CYB561A3: variants seen among roughly 807,000 people sequenced by gnomAD.
The protein encoded by CYB561A3 is lysosomal membrane ascorbate-dependent ferrireductase CYB561A3.
In CYB561A3, 16 loss-of-function variants were observed where a neutral mutation model predicts 25.3. The observed-to-expected ratio is 0.63, with a 90% CI of 0.43 to 0.96. The LOEUF (loss-of-function observed/expected upper bound fraction) is 0.96. CYB561A3 is among the 40% of genes least tolerant of loss of function. CYB561A3 has a pLI of 0.00. For missense variants in CYB561A3, 219 were observed against 307.5 expected (o/e 0.71, Z 2.15); for synonymous variants, 131 against 129.9 (o/e 1.01, Z -0.06).
At chr11:61,353,249 T>C in intron 4 of CYB561A3, 110 bp from the exon 5 acceptor site, 1 of 1,375,766 alleles carries the variant, frequency 7.3e-7, no homozygotes, top group Non-Finnish European at 9.7e-7. Context: ...CTTTCACAAC[T>C]CAAACCTTCC....
At position 61,357,131 on chromosome 11, in the gene CYB561A3, C is replaced by T. The variant is rs368149383; in HGVS notation, c.-15-403G>A. On this transcript the variant is annotated intron_variant, in intron 2 of 6. Coordinates refer to ENST00000294072, the MANE Select transcript of CYB561A3 (RefSeq NM_153611.6). ...CAAAATCCAGGCTAAATTACGCAAA[C>T]ACCCAGGCCTTGGGTTCTAAGATAA... 9.3e-5 allele frequency: 141 copies of T among 1,519,562 alleles called. No individual in the cohort carries two copies. The East Asian group carries it at 1.3e-3, about 13-fold the overall frequency. 94.1% of individuals were successfully genotyped at this position (1,519,562 alleles called of 1,614,324 possible).
upstream of CYB561A3, chr11:61,361,888 GGCGGGTGCCGCCTC>G (rs1857905312): frequency 6.6e-6 from 1 of 152,300 alleles, no homozygotes; most frequent in South Asian, 2.1e-4. Flanking sequence ...AGAGCAGAGC[GGCGGGTGCCGCCTC>G]GCCTTCTTAT....
intron 3 of CYB561A3, chr11:61,356,005 T>C (rs961473205): frequency 3.4e-5 from 5 of 145,334 alleles, no homozygotes; most frequent in African/African-American, 1.3e-4. Context: ...GGCAGGAGAA[T>C]GGCGCAAACC....
At chr11:61,356,458 C>G in intron 3 of CYB561A3, 72 bp downstream of exon 3, 1 of 1,520,472 alleles carries the variant, frequency 6.6e-7, no homozygotes, top group Non-Finnish European at 8.9e-7. Context: ...CAAAGGCCAG[C>G]CTTGGAGAGG....
Position 61,353,779 on chromosome 11 carries a change from C to T in CYB561A3, c.393+5G>A. 2 of 1,614,078 alleles carry T rather than the reference C, an allele frequency of 1.2e-6. No individual in the cohort carries two copies. The highest frequency in any genetic ancestry group is 1.7e-6 in the Non-Finnish European group (2 of 1,180,034). On this transcript the variant is annotated splice_donor_5th_base_variant and intron_variant, in intron 4 of 6. Coordinates refer to ENST00000294072, the MANE Select transcript of CYB561A3 (RefSeq NM_153611.6). ...ACCTCGAGGAGGAGAACAGAGAGAA[C>T]CCACCTGGCAGGCGAAGAGGAAGAC...
intron 6 of CYB561A3, 113 bp downstream of exon 6, chr11:61,350,877 GT>G: frequency 7.0e-7 from 1 of 1,436,432 alleles, no homozygotes; most frequent in Non-Finnish European, 9.2e-7. Flanking sequence ...AAGTTACTTG[GT>G]TTCCTGCTGT....
chr11:61,352,079 T>G (rs548918390), intron 5 of CYB561A3: 2 of 152,284 alleles, frequency 1.3e-5, no homozygotes, highest in Admixed American at 1.3e-4. Flanking sequence ...AGCAATGAAA[T>G]TAACTTGCCC....
At chr11:61,350,694 A>G (rs1565065169) in intron 6 of CYB561A3, 2 of 591,756 alleles carry the variant, frequency 3.4e-6, no homozygotes, top group Non-Finnish European at 5.9e-6. Context: ...CCCTTGTCAC[A>G]GTCAAGCCCT....
rs746387728 is a variant in CYB561A3, at chr11:61,350,284, A to G, written c.*115T>C. The G allele has an allele frequency of 5.1e-6, 7 of 1,369,518 alleles. No individual in the cohort carries two copies. Among genetic ancestry groups the G allele is most frequent in the Non-Finnish European group, 7.0e-6 (7 of 998,654 alleles). The allele number at this position is 1,369,518 out of a possible 1,614,324, so 84.8% of individuals were successfully genotyped here. On this transcript the variant is annotated 3_prime_UTR_variant, in exon 7 of 7. Coordinates refer to ENST00000294072, the MANE Select transcript of CYB561A3 (RefSeq NM_153611.6). ...GCACCCAGGCAAGAAGTCTGGGCCC[A>G]GCATTGGAAGAAAGTCGCCTGCTGA...
chr11:61,352,967 G>A lies in CYB561A3; in HGVS notation c.548+18C>T, dbSNP rs1751647333. 5 of 1,613,928 alleles carry A rather than the reference G, an allele frequency of 3.1e-6. No homozygotes were observed. The highest frequency in any genetic ancestry group is 1.3e-5 in the African/African-American group (1 of 74,860). ...TCCCTCCTCTTCACCTTAGAGTTGG[G>A]GACCCCACTGCACTCACAAACTGAA... On this transcript the variant is annotated intron_variant, in intron 5 of 6. Coordinates refer to ENST00000294072, the MANE Select transcript of CYB561A3 (RefSeq NM_153611.6).
At position 61,351,016 on chromosome 11, in the gene CYB561A3, T is replaced by C. The variant is rs1857379103; in HGVS notation, c.680A>G (p.Glu227Gly). ...ILLASSWKRP[E>G]PGILTDRQPL... ...CTGTCTGTCGGTCAGGATCCCCGGC[T>C]CTGGGCGCTTCCAAGATGAAGCCAG... Residue 227 changes from glutamate (E) to glycine (G), a missense_variant, in exon 6 of 7, where the codon GAG becomes GGG. Glu to Gly is a moderately conservative substitution (Grantham distance 98). Coordinates refer to ENST00000294072, the MANE Select transcript of CYB561A3 (RefSeq NM_153611.6). The C allele has an allele frequency of 1.9e-6, 3 of 1,613,770 alleles. No homozygotes were observed. Among genetic ancestry groups the C allele is most frequent in the Admixed American group, 1.7e-5 (1 of 59,962 alleles).
In CYB561A3 at chr11:61,353,035, C is replaced by T; in HGVS notation, c.498G>A (p.Leu166=). Reference sequence around the variant, plus strand: ...TGCCCGAAATGACGGATGCGATGGACAGAGAGAGGATGGCGGCTCCAAAAA... The same window carrying T: ...TGCCCGAAATGACGGATGCGATGGATAGAGAGAGGATGGCGGCTCCAAAAA... ...HVFFGAAILS[L]SIASVISGIN... The change falls in exon 5 of 7, where the codon CTG becomes CTA. Residue 166 remains leucine, a synonymous_variant. Transcript: ENST00000294072. The T allele has an allele frequency of 6.2e-7, 1 of 1,614,142 alleles. No individual in the cohort carries two copies.
intron 1 of CYB561A3, chr11:61,358,268 T>C (rs1456730411): frequency 6.6e-6 from 1 of 151,606 alleles, no homozygotes; most frequent in Non-Finnish European, 1.5e-5. Flanking sequence ...AATACAAAAT[T>C]AGCCAGGAGT....
Position 61,350,986 on chromosome 11 carries a change from C to T in CYB561A3, c.705+5G>A. On this transcript the variant is annotated splice_donor_5th_base_variant and intron_variant, in intron 6 of 6. Coordinates refer to ENST00000294072, the MANE Select transcript of CYB561A3 (RefSeq NM_153611.6). Reference sequence around the variant, plus strand: ...CACCCTGGAATGTGGGACTGGAACCCATACCTGTCTGTCGGTCAGGATCCC... The same window carrying T: ...CACCCTGGAATGTGGGACTGGAACCTATACCTGTCTGTCGGTCAGGATCCC... 6.2e-7 allele frequency: 1 copy of T among 1,612,408 alleles called. No individual in the cohort carries two copies. Among genetic ancestry groups the T allele is most frequent in the Non-Finnish European group, 8.5e-7 (1 of 1,179,276 alleles).
chr11:61,350,432 G>A lies in CYB561A3; in HGVS notation c.706-10C>T, dbSNP rs549420104. 1.1e-5 allele frequency: 18 copies of A among 1,611,268 alleles called. No individual in the cohort carries two copies. Among genetic ancestry groups the A allele is most frequent in the Admixed American group, 1.7e-5 (1 of 59,624 alleles). Reference sequence around the variant, plus strand: ...CATCATGCAGCAGGGGCTGGAAAGAGAGGCAGATGCCCAGGAGTTAATGAC... The same window carrying A: ...CATCATGCAGCAGGGGCTGGAAAGAAAGGCAGATGCCCAGGAGTTAATGAC... On this transcript the variant is annotated splice_polypyrimidine_tract_variant and intron_variant, in intron 6 of 6. Transcript: ENST00000294072.
intron 4 of CYB561A3, chr11:61,353,350 C>T: frequency 1.5e-6 from 1 of 668,754 alleles, no homozygotes; most frequent in Non-Finnish European, 2.5e-6. Context: ...TAGCTACCAT[C>T]CCACTCCCAG....
At chr11:61,358,443 T>G (rs2135130483) in intron 1 of CYB561A3, 1 of 142,980 alleles carries the variant, frequency 7.0e-6, no homozygotes, top group African/African-American at 2.7e-5. Flanking sequence ...AAAAAAAGGC[T>G]GGGTGAGGTG....
rs954322994 is a variant in CYB561A3, at chr11:61,361,813, G to C, written c.-192C>G. 5 of 152,300 alleles carry C rather than the reference G, an allele frequency of 3.3e-5. No individual in the cohort carries two copies. Among genetic ancestry groups the C allele is most frequent in the African/African-American group, 4.8e-5 (2 of 41,450 alleles). The allele number at this position is 152,300 out of a possible 1,614,324, so 9.4% of individuals were successfully genotyped here. A position where few individuals can be genotyped will look rare whatever the true frequency, so the allele number is the denominator to read the frequency against. On this transcript the variant is annotated 5_prime_UTR_variant, in exon 1 of 7. Coordinates refer to ENST00000294072, the MANE Select transcript of CYB561A3 (RefSeq NM_153611.6). ...ACCAGGCGCCGGAGCTGCCGCTCCC[G>C]AGGTTCCTAGGAGATGCAGAAGACA...
chr11:61,355,015 C>G (rs1391873040), intron 3 of CYB561A3, among the ~76,000 whole-genome samples: 1 of 152,012 alleles, frequency 6.6e-6, no homozygotes, highest in Non-Finnish European at 1.5e-5. Context: ...ACTACAGGTG[C>G]CTGCCACCAT....
Sources: allele counts gnomAD v4.1 joint callset (sites outside exome capture counted in the v4.1 genomes callset), GRCh38; gene constraint gnomAD v4.1.1; transcripts MANE v1.5; gene names NCBI Gene and HGNC (gene_info 2026-07-23, HGNC 2026-07-21).